BRD3: variants seen among roughly 807,000 people sequenced by gnomAD.
The protein encoded by BRD3 is bromodomain-containing protein 3.
In BRD3, 17 loss-of-function variants were observed where a neutral mutation model predicts 66.8. The ratio of observed to expected loss-of-function variants is 0.25; its 90% CI spans 0.17 to 0.38. The LOEUF (loss-of-function observed/expected upper bound fraction) is 0.38. Among genes scored for constraint, BRD3 ranks in the 10% least tolerant of loss-of-function variants. BRD3 has a pLI of 1.00. For missense variants in BRD3, 713 were observed against 956.1 expected, an observed-to-expected ratio of 0.75 and a Z score of 3.35; for synonymous variants, 421 against 393.2, an observed-to-expected ratio of 1.07 and a Z score of -0.84.
In BRD3 at chr9:134,053,585, C is replaced by A. The variant is rs142675790; in HGVS notation, c.-108G>T. The A allele has an allele frequency of 2.1e-6, 3 of 1,446,090 alleles. No homozygotes were observed. Among genetic ancestry groups the A allele is most frequent in the East Asian group, 5.0e-5 (2 of 40,098 alleles). 89.6% of individuals were successfully genotyped at this position (1,446,090 alleles called of 1,614,324 possible). On this transcript the variant is annotated 5_prime_UTR_variant, in exon 2 of 12. Coordinates refer to ENST00000303407, the MANE Select transcript of BRD3 (RefSeq NM_007371.4). ...CGTCCCATTTCCGGGCCCAACCAGG[C>A]GACAGCTGCAGAGGAGGAAGCACAA...
At position 134,051,683 on chromosome 9, in the gene BRD3, G is replaced by A. The variant is rs1830299789; in HGVS notation, c.378C>T (p.Ala126=). The change falls in exon 4 of 12, where the codon GCC becomes GCT. Residue 126 remains alanine, a synonymous_variant. Transcript: ENST00000303407. ...GTAGAAAAATTTTCTCTAAAGCTTG[G>A]GCCATTAGCACTATGTCATCTGTGG... The part of the protein sequence containing the change: ...NKPTDDIVLM[A]QALEKIFLQK... 6.3e-7 allele frequency: 1 copy of A among 1,590,178 alleles called. No individual in the cohort carries two copies. The highest frequency in any genetic ancestry group is 1.4e-5 in the African/African-American group (1 of 72,970).
Position 134,051,684 on chromosome 9 carries a change from G to A in BRD3, c.377C>T (p.Ala126Val). 1 of 1,590,806 alleles carries A rather than the reference G, an allele frequency of 6.3e-7. No homozygotes were observed. Among genetic ancestry groups the A allele is most frequent in the South Asian group, 1.2e-5 (1 of 86,728 alleles). Reference sequence around the variant, plus strand: ...TAGAAAAATTTTCTCTAAAGCTTGGGCCATTAGCACTATGTCATCTGTGGG... The same window carrying A: ...TAGAAAAATTTTCTCTAAAGCTTGGACCATTAGCACTATGTCATCTGTGGG... The part of the protein sequence containing the change: ...NKPTDDIVLM[A>V]QALEKIFLQK... Residue 126 changes from alanine (A) to valine (V), a missense_variant, in exon 4 of 12, where the codon GCC becomes GTC. Ala to Val is a moderately conservative substitution (Grantham distance 64). Around this residue, in one of 5 missense-constraint regions of BRD3, gnomAD observed 85 missense variants for 152.4 expected, o/e 0.56. Coordinates refer to ENST00000303407, the MANE Select transcript of BRD3 (RefSeq NM_007371.4).
At chr9:134,047,901 G>T in intron 6 of BRD3, 182 bp downstream of exon 6, 1 of 766,826 alleles carries the variant, frequency 1.3e-6, no homozygotes, top group Non-Finnish European at 2.0e-6. Context: ...GGCAGAGCAC[G>T]CCTTCCTCGC....
intron 8 of BRD3, among the ~76,000 whole-genome samples, chr9:134,040,502 G>A (rs1830021555): frequency 6.6e-6 from 1 of 152,198 alleles, no homozygotes; most frequent in Admixed American, 6.5e-5. Flanking sequence ...GAGCTGCCTG[G>A]CCACAGGCTC....
rs554377630 is a variant in BRD3 at position 134,054,668 on chromosome 9, G to A, written c.-113-1078C>T. ...CTCTGCCATGGGAGGAGCCGGCTCC[G>A]GCCCCAGAACCGGCCACTTGTAGAC... On this transcript the variant is annotated intron_variant, in intron 1 of 11. Coordinates refer to ENST00000303407, the MANE Select transcript of BRD3 (RefSeq NM_007371.4). 3.8e-3 allele frequency among the ~76,000 whole-genome samples: 572 copies of A among 152,298 alleles called. 7 individuals are homozygous for A. Among genetic ancestry groups the A allele is most frequent in the Non-Finnish European group, 3.5e-3 (236 of 68,016 alleles).
chr9:134,034,801 C>T lies in BRD3; in HGVS notation c.1965G>A (p.Lys655=). The change falls in exon 11 of 12, where the codon AAG becomes AAA. Residue 655 remains lysine (K), a synonymous_variant. Transcript: ENST00000303407. ...TTTCCTGAGCTAGCTCCTCTTTCGA[C>T]TTGGCTGCCTGTTTCTTCCCGCTTG... is the stretch of plus-strand genomic sequence containing the variant. ...FSASGKKQAA[K]SKEELAQEKK... is the part of the protein sequence containing the mutation. 6.2e-7 allele frequency: 1 copy of T among 1,612,398 alleles called. No homozygotes were observed. The highest frequency in any genetic ancestry group is 1.1e-5 in the South Asian group (1 of 91,086).
Position 134,053,260 on chromosome 9 carries a change from C to T in BRD3, c.213+5G>A. 6.2e-7 allele frequency: 1 copy of T among 1,613,240 alleles called. No individual in the cohort carries two copies. The highest frequency in any genetic ancestry group is 8.5e-7 in the Non-Finnish European group (1 of 1,179,994). On this transcript the variant is annotated splice_donor_5th_base_variant and intron_variant, in intron 2 of 11. Coordinates refer to ENST00000303407, the MANE Select transcript of BRD3 (RefSeq NM_007371.4). Reference sequence around the variant, plus strand: ...GTGGCTCTTGGGGAGGCAGCAGCTACGCACCGGCAGGTTCAATTTGATTGC... The same window carrying T: ...GTGGCTCTTGGGGAGGCAGCAGCTATGCACCGGCAGGTTCAATTTGATTGC...
At chr9:134,053,937 C>G (rs1830358130) in intron 1 of BRD3, 1 of 187,300 alleles carries the variant, frequency 5.3e-6, no homozygotes, top group African/African-American at 2.4e-5. Flanking sequence ...GCCTTCTGCC[C>G]ACCAACCACC....
chr9:134,039,993 G>A (rs1830005369), intron 9 of BRD3, 41 bp downstream of exon 9: 1 of 1,554,336 alleles, frequency 6.4e-7, no homozygotes, highest in Non-Finnish European at 8.7e-7. Context: ...ATGGCGTGCT[G>A]AGCGCTGGGC....
chr9:134,048,290 C>T lies in BRD3; in HGVS notation c.879G>A (p.Leu293=), dbSNP rs1265257412. 4.4e-6 allele frequency: 7 copies of T among 1,605,646 alleles called. No individual in the cohort carries two copies. The highest frequency in any genetic ancestry group is 1.3e-5 in the African/African-American group (1 of 74,918). ...GRPIKPPKKD[L]EDGEVPQHAG... Reference sequence around the variant, plus strand: ...CGTGCTGGGGCACCTCGCCGTCCTCCAGGTCCTTCTTGGGAGGCTTGATGG... The same window carrying T: ...CGTGCTGGGGCACCTCGCCGTCCTCTAGGTCCTTCTTGGGAGGCTTGATGG... Residue 293 remains leucine, a synonymous_variant, in exon 6 of 12, where the codon CTG becomes CTA. Coordinates refer to ENST00000303407, the MANE Select transcript of BRD3 (RefSeq NM_007371.4).
At position 134,040,176 on chromosome 9, in the gene BRD3, T is replaced by TCTTCTTCTCCTTCTC. The variant is rs771963978; in HGVS notation, c.1486_1500dup (p.Glu496_Lys500dup). 2 of 1,565,174 alleles carry TCTTCTTCTCCTTCTC rather than the reference T, an allele frequency of 1.3e-6. No individual in the cohort carries two copies. Among genetic ancestry groups the TCTTCTTCTCCTTCTC allele is most frequent in the Non-Finnish European group, 8.7e-7 (1 of 1,155,172 alleles). On this transcript the variant is annotated inframe_insertion, in exon 9 of 12. Transcript: ENST00000303407. ...TCCTTCTCCTTCTCCTTGTCCTTCT[T>TCTTCTTCTCCTTCTC]CTTCTTCTCCTTCTCCTTCTTCTCC...
intron 4 of BRD3, among the ~76,000 whole-genome samples, chr9:134,050,876 C>A (rs1830278854): frequency 6.6e-6 from 1 of 152,176 alleles, no homozygotes; most frequent in South Asian, 2.1e-4. Context: ...CAGTCAAGGG[C>A]CACCCTGGAG....
rs1002238570 is a variant in BRD3 at position 134,031,275 on chromosome 9, C to A, written c.*2315G>T. Reference sequence around the variant, plus strand: ...CCCCCACAGCCGGCCGCTCCCCCGACGGCTCACACAGGCAGCACCTCACTG... The same window carrying A: ...CCCCCACAGCCGGCCGCTCCCCCGAAGGCTCACACAGGCAGCACCTCACTG... On this transcript the variant is annotated 3_prime_UTR_variant, in exon 12 of 12. Coordinates refer to ENST00000303407, the MANE Select transcript of BRD3 (RefSeq NM_007371.4). 9.6e-6 allele frequency: 2 copies of A among 209,320 alleles called. No homozygotes were observed. Among genetic ancestry groups the A allele is most frequent in the Non-Finnish European group, 1.9e-5 (2 of 103,014 alleles). 13.0% of individuals were successfully genotyped at this position (209,320 alleles called of 1,614,324 possible).
Position 134,033,989 on chromosome 9 carries a change from G to C in BRD3, c.2066-284C>G, listed in dbSNP as rs964509202. Among the ~76,000 whole-genome samples, 1 of 152,136 alleles carries C rather than the reference G, an allele frequency of 6.6e-6. No individual in the cohort carries two copies. Among genetic ancestry groups the C allele is most frequent in the Non-Finnish European group, 1.5e-5 (1 of 68,030 alleles). On this transcript the variant is annotated intron_variant, in intron 11 of 11. Transcript: ENST00000303407. The surrounding 1 kb of genome is among the most constrained non-coding windows in gnomAD (Gnocchi z 5.1). ...CACCAGTCACATGGCCACCAGCAGC[G>C]ACAGGAACACCAGCTGCTGGCGTTT... is the stretch of plus-strand genomic sequence containing the variant.
At position 134,033,026 on chromosome 9, in the gene BRD3, C is replaced by A. The variant is rs1588268649; in HGVS notation, c.*564G>T. ...CCCCCCAAGGGCTCCACGCTCCGGG[C>A]TGGGGCTGCGATGACCCTTCGCTTA... On this transcript the variant is annotated 3_prime_UTR_variant, in exon 12 of 12. Coordinates refer to ENST00000303407, the MANE Select transcript of BRD3 (RefSeq NM_007371.4). This position sits in a 1 kb window ranked among gnomAD's most constrained non-coding sequence, Gnocchi z 5.1. 5.0e-6 allele frequency: 2 copies of A among 398,098 alleles called. No individual in the cohort carries two copies. Among genetic ancestry groups the A allele is most frequent in the East Asian group, 3.6e-5 (1 of 28,066 alleles). 24.7% of individuals were successfully genotyped at this position (398,098 alleles called of 1,614,324 possible).
intron 9 of BRD3, among the ~76,000 whole-genome samples, chr9:134,038,344 C>T (rs1829972539): frequency 6.6e-6 from 1 of 152,174 alleles, no homozygotes; most frequent in Admixed American, 6.5e-5. Context: ...TTAGTAGAGA[C>T]AGGGTTTCAC....
chr9:134,034,660 AC>A (rs535547843), intron 11 of BRD3, 40 bp downstream of exon 11: 8 of 1,597,062 alleles, frequency 5.0e-6, no homozygotes, highest in Middle Eastern at 1.6e-4. Context: ...GACACCCCCC[AC>A]CCCCCTAAAG....
At chr9:134,035,907 G>T in intron 10 of BRD3, 125 bp downstream of exon 10, 1 of 1,318,916 alleles carries the variant, frequency 7.6e-7, no homozygotes, top group South Asian at 1.5e-5. Flanking sequence ...TGGGACGAAG[G>T]AGCCAAGACA....
At position 134,041,955 on chromosome 9, in the gene BRD3, C is replaced by T. The variant is rs202230053; in HGVS notation, c.1216-4G>A. 6.9e-5 allele frequency: 108 copies of T among 1,570,082 alleles called. No homozygotes were observed. Among genetic ancestry groups the T allele is most frequent in the South Asian group, 3.5e-4 (29 of 84,044 alleles). On this transcript the variant is annotated splice_region_variant and splice_polypyrimidine_tract_variant and intron_variant, in intron 7 of 11. Coordinates refer to ENST00000303407, the MANE Select transcript of BRD3 (RefSeq NM_007371.4). The stretch of plus-strand genomic sequence containing the variant: ...CAAACCTCATCTCAAACACGTCCTG[C>T]GGCAGAACAGAGGCTGCCCTGAAGA...
Sources: allele counts gnomAD v4.1 joint callset (sites outside exome capture counted in the v4.1 genomes callset), GRCh38; gene constraint gnomAD v4.1.1; regional missense constraint gnomAD v4.1.1; non-coding constraint Gnocchi (gnomAD v3.1); transcripts MANE v1.5; gene names NCBI Gene and HGNC (gene_info 2026-07-23, HGNC 2026-07-21).